Variants in ATRNL1 observed in about 807,000 individuals in gnomAD.
The protein encoded by ATRNL1 is attractin like 1, also known as attractin-like protein 1.
Under a neutral mutation model 182.7 loss-of-function variants are expected in ATRNL1, and 95 were observed. That is an observed-to-expected ratio of 0.52 (90% confidence interval 0.44 to 0.62). The LOEUF is 0.62. Among genes scored for constraint, ATRNL1 ranks in the 20% least tolerant of loss-of-function variants. The pLI, the probability that ATRNL1 is intolerant of heterozygous loss-of-function variation, is 0.00. For missense variants in ATRNL1, 1,471 were observed against 1,679.5 expected, an observed-to-expected ratio of 0.88 and a Z score of 2.17; for synonymous variants, 576 against 568.3, an observed-to-expected ratio of 1.01 and a Z score of -0.19.
intron 26 of ATRNL1, among the ~76,000 whole-genome samples, chr10:115,646,537 TCTG>T (rs142961951): frequency 0.02 from 3,009 of 152,178 alleles, 64 homozygotes; most frequent in East Asian, 0.12. Context: ...CATAACCACA[TCTG>T]CTGCATTTCA....
rs142629721 is a variant in ATRNL1 at position 115,733,495 on chromosome 10, G to A, written c.3903+6140G>A. ...CTGTTTATTGGGACAGTTCAGCCTC[G>A]TATCTTATGTAAGAAACCTCGCTCC... On this transcript the variant is annotated intron_variant, in intron 27 of 28. Coordinates refer to ENST00000355044, the MANE Select transcript of ATRNL1 (RefSeq NM_207303.4). Among the ~76,000 whole-genome samples, 28 of 152,194 alleles carry A rather than the reference G, an allele frequency of 1.8e-4. No individual in the cohort carries two copies. In the East Asian group the frequency reaches 4.2e-3, roughly 23 times the overall value.
chr10:115,684,491 G>C (rs1196812438), intron 26 of ATRNL1, among the ~76,000 whole-genome samples: 1 of 150,300 alleles, frequency 6.7e-6, no homozygotes, highest in Admixed American at 6.6e-5. Context: ...TATCTGTAAG[G>C]TTTTTTAAAC....
At chr10:115,258,632 A>C (rs527726333) in intron 10 of ATRNL1, among the ~76,000 whole-genome samples, 1 of 152,250 alleles carries the variant, frequency 6.6e-6, no homozygotes, top group East Asian at 1.9e-4. Flanking sequence ...TGTCAAAGTC[A>C]TTCTCCATCC....
At chr10:115,284,589 C>T (rs185281139) in intron 14 of ATRNL1, among the ~76,000 whole-genome samples, 247 of 152,246 alleles carry the variant, frequency 1.6e-3, no homozygotes, top group Non-Finnish European at 2.7e-3. Context: ...GAGCAGCAAC[C>T]GTGAACGAAC....
chr10:115,286,620 C>G (rs1471028942), intron 15 of ATRNL1, among the ~76,000 whole-genome samples: 3 of 151,770 alleles, frequency 2.0e-5, no homozygotes, highest in African/African-American at 7.3e-5. Flanking sequence ...TATTACCTTA[C>G]CAAGAAGTGA....
chr10:115,301,879 C>A lies in ATRNL1; in HGVS notation c.2654C>A (p.Pro885Gln), dbSNP rs202112185. The A allele has an allele frequency of 6.2e-7, 1 of 1,606,912 alleles. No individual in the cohort carries two copies. The highest frequency in any genetic ancestry group is 8.5e-7 in the Non-Finnish European group (1 of 1,177,130). ...GTTAGTCCAAATCAAAATGCGAGGC[C>A]GTGCAAAAAGCCATGCTCTCTGAGG... is the stretch of plus-strand genomic sequence containing the variant. ...PVVSPNQNAR[P>Q]CKKPCSLRTS... is the part of the protein sequence containing the mutation. Residue 885 changes from proline to glutamine, a missense_variant, in exon 17 of 29, where the codon CCG becomes CAG. By Grantham distance (76) the Pro-to-Gln change is moderately conservative. Around this residue, in one of 3 missense-constraint regions of ATRNL1, gnomAD observed 1,031 missense variants for 1,156.0 expected, o/e 0.89. Coordinates refer to ENST00000355044, the MANE Select transcript of ATRNL1 (RefSeq NM_207303.4).
At chr10:115,502,938 A>T (rs142571350) in intron 24 of ATRNL1, among the ~76,000 whole-genome samples, 1 of 152,244 alleles carries the variant, frequency 6.6e-6, no homozygotes, top group East Asian at 1.9e-4. Context: ...CTCCTCTGCG[A>T]TAGTTTTTGG....
intron 26 of ATRNL1, among the ~76,000 whole-genome samples, chr10:115,698,420 C>T (rs1446848650): frequency 4.6e-5 from 7 of 152,084 alleles, no homozygotes; most frequent in South Asian, 2.1e-4. Flanking sequence ...GATGAATTTT[C>T]TTAACATGTG....
At chr10:115,547,819 A>G (rs1282269193) in intron 25 of ATRNL1, among the ~76,000 whole-genome samples, 1 of 152,264 alleles carries the variant, frequency 6.6e-6, no homozygotes, top group Non-Finnish European at 1.5e-5. Flanking sequence ...CTAGAAAATC[A>G]TGGTGACTTT....
In ATRNL1 at chr10:115,841,509, C is replaced by T. The variant is rs143697659; in HGVS notation, c.3904-6368C>T. Among the ~76,000 whole-genome samples, 19 of 152,150 alleles carry T rather than the reference C, an allele frequency of 1.2e-4. No homozygotes were observed. The East Asian group carries it at 3.7e-3, about 29-fold the overall frequency. ...AAAATGAAGTTTACGGTTGGAATAC[C>T]TTCAGAACCTCAAGTGCAGCATCCT... is the stretch of plus-strand genomic sequence containing the variant. On this transcript the variant is annotated intron_variant, in intron 27 of 28. Transcript: ENST00000355044.
chr10:115,125,651 C>T (rs372217782), intron 3 of ATRNL1, among the ~76,000 whole-genome samples: 2 of 152,218 alleles, frequency 1.3e-5, no homozygotes, highest in Admixed American at 6.5e-5. Flanking sequence ...AATCCAAACT[C>T]AGATACTGAG....
At chr10:115,916,065 T>C (rs1285514006) in intron 28 of ATRNL1, among the ~76,000 whole-genome samples, 1 of 152,246 alleles carries the variant, frequency 6.6e-6, no homozygotes, top group East Asian at 1.9e-4. Context: ...ATTTAAAGTA[T>C]AGTTTTAAAG....
At chr10:115,660,558 A>T (rs1191948366) in intron 26 of ATRNL1, among the ~76,000 whole-genome samples, 1 of 152,110 alleles carries the variant, frequency 6.6e-6, no homozygotes, top group African/African-American at 2.4e-5. Context: ...ATATGATTGT[A>T]TCATATTCTA....
Position 115,666,787 on chromosome 10 carries a change from A to G in ATRNL1, c.3796-60461A>G, listed in dbSNP as rs543673437. On this transcript the variant is annotated intron_variant, in intron 26 of 28. Coordinates refer to ENST00000355044, the MANE Select transcript of ATRNL1 (RefSeq NM_207303.4). Reference sequence around the variant, plus strand: ...TAAACAGCATAAATATAAAGCAAAAAGTTCTATTGGACAGCACTCATCTAG... The same window carrying G: ...TAAACAGCATAAATATAAAGCAAAAGGTTCTATTGGACAGCACTCATCTAG... Among the ~76,000 whole-genome samples the G allele has an allele frequency of 4.6e-5, 7 of 152,242 alleles. No individual in the cohort carries two copies. In the South Asian group the frequency reaches 1.5e-3, roughly 32 times the overall value.
At chr10:115,829,989 G>T (rs115518771) in intron 27 of ATRNL1, among the ~76,000 whole-genome samples, 1,956 of 152,294 alleles carry the variant, frequency 0.013, 40 homozygotes, top group African/African-American at 0.044. Flanking sequence ...TCTACAGTAA[G>T]TGCAGTAAGT....
chr10:115,825,260 A>G (rs1470052597), intron 27 of ATRNL1, among the ~76,000 whole-genome samples: 1 of 152,114 alleles, frequency 6.6e-6, no homozygotes, highest in Non-Finnish European at 1.5e-5. Context: ...AGAGGGGAAC[A>G]TCTCACACCA....
chr10:115,583,989 G>A (rs1475922387), intron 26 of ATRNL1, among the ~76,000 whole-genome samples: 2 of 152,112 alleles, frequency 1.3e-5, no homozygotes, highest in Non-Finnish European at 2.9e-5. Context: ...AAAGGCCTTT[G>A]CTGCTTCTAT....
chr10:115,308,130 A>G (rs568118584), intron 17 of ATRNL1, among the ~76,000 whole-genome samples: 1 of 152,286 alleles, frequency 6.6e-6, no homozygotes, highest in African/African-American at 2.4e-5. Context: ...ATTTTGCAAT[A>G]TTCTCCAGTA....
intron 26 of ATRNL1, among the ~76,000 whole-genome samples, chr10:115,578,487 A>G (rs1455504411): frequency 2.6e-5 from 4 of 151,450 alleles, no homozygotes; most frequent in Non-Finnish European, 5.9e-5. Context: ...TATATGTTGC[A>G]TGTTTCCAGG....
Sources: gnomAD v4.1 joint callset for allele counts (sites outside exome capture counted in the v4.1 genomes callset) on GRCh38, gnomAD v4.1.1 for gene constraint, gnomAD v4.1.1 regional missense constraint, MANE v1.5 for transcripts, NCBI Gene and HGNC (gene_info 2026-07-23, HGNC 2026-07-21) for gene names.